The following PLGLB2 variants were observed in gnomAD, a reference collection of about 807,000 sequenced individuals.
PLGLB2 encodes plasminogen-like protein B.
rs1299878106 is a variant in PLGLB2 at position 87,759,393 on chromosome 2, C to T, written c.*2575C>T. 1.6e-4 allele frequency among the ~76,000 whole-genome samples: 1 copy of T among 6,206 alleles called. No individual in the cohort carries two copies. The highest frequency in any genetic ancestry group is 3.9e-4 in the African/African-American group (1 of 2,586). 4.1% of individuals were successfully genotyped at this position (6,206 alleles called of 152,430 possible). On this transcript the variant is annotated 3_prime_UTR_variant, in exon 4 of 4. Coordinates refer to ENST00000359481, the MANE Select transcript of PLGLB2 (RefSeq NM_002665.4). Reference sequence around the variant, plus strand: ...ACATCTAAACTCTAAGTACAGACTTCTTATGCTTAAAACTCTTACACAGTG... The same window carrying T: ...ACATCTAAACTCTAAGTACAGACTTTTTATGCTTAAAACTCTTACACAGTG...
At chr2:87,749,021 C>CTT (rs1684601229) in intron 1 of PLGLB2, among the ~76,000 whole-genome samples, 1 of 133,946 alleles carries the variant, frequency 7.5e-6, no homozygotes, top group Non-Finnish European at 1.6e-5. Context: ...TGGATTTAAG[C>CTT]CAGGTTTCCC....
At chr2:87,750,907 C>G (rs1470957365) in intron 1 of PLGLB2, among the ~76,000 whole-genome samples, 40 of 126,136 alleles carry the variant, frequency 3.2e-4, no homozygotes, top group South Asian at 1.5e-3. Flanking sequence ...ATAACCCACT[C>G]CCTCTGCCTG....
In PLGLB2 at chr2:87,756,866, G is replaced by C; in HGVS notation, c.*48G>C. The stretch of plus-strand genomic sequence containing the variant: ...CTGGGAATGGAAAGAACTACAGAGG[G>C]ACGATGTCCAAAACAAAAAATGGCA... On this transcript the variant is annotated 3_prime_UTR_variant, in exon 4 of 4. Coordinates refer to ENST00000359481, the MANE Select transcript of PLGLB2 (RefSeq NM_002665.4). 1.3e-6 allele frequency: 1 copy of C among 776,626 alleles called. No homozygotes were observed. Among genetic ancestry groups the C allele is most frequent in the South Asian group, 1.4e-5 (1 of 73,080 alleles). The allele number at this position is 776,626 out of a possible 1,614,324, so 48.1% of individuals were successfully genotyped here. A position where few individuals can be genotyped will look rare whatever the true frequency, so the allele number is the denominator to read the frequency against.
intron 1 of PLGLB2, among the ~76,000 whole-genome samples, chr2:87,750,727 C>G (rs1169430402): frequency 1.3e-5 from 2 of 151,042 alleles, no homozygotes; most frequent in African/African-American, 4.9e-5. Context: ...GAATGAGAAT[C>G]TGTTCATTTG....
chr2:87,750,430 G>A (rs1480388242), intron 1 of PLGLB2, among the ~76,000 whole-genome samples: 142 of 151,262 alleles, frequency 9.4e-4, no homozygotes, highest in African/African-American at 3.3e-3. Flanking sequence ...CAAGTTGGCA[G>A]AAAGTGCGGG....
rs1438440809 is a variant in PLGLB2, at chr2:87,758,470, TCTC to T, written c.*1655_*1657del. Among the ~76,000 whole-genome samples the T allele has an allele frequency of 2.9e-5, 3 of 101,734 alleles. No individual in the cohort carries two copies. Among genetic ancestry groups the T allele is most frequent in the Admixed American group, 1.2e-4 (1 of 8,364 alleles). 66.7% of individuals were successfully genotyped at this position (101,734 alleles called of 152,430 possible). On this transcript the variant is annotated 3_prime_UTR_variant, in exon 4 of 4. Transcript: ENST00000359481. ...GGCAGGCTTTTGAGGCCTTTATATTTCTCCTGACTGTGCAATAAAAATATTTTG... is the reference window on the plus strand; with the variant it reads ...GGCAGGCTTTTGAGGCCTTTATATTTCTGACTGTGCAATAAAAATATTTTG...
At chr2:87,749,130 T>TA (rs967542734) in intron 1 of PLGLB2, among the ~76,000 whole-genome samples, 26 of 150,396 alleles carry the variant, frequency 1.7e-4, no homozygotes, top group East Asian at 7.9e-4. Flanking sequence ...TTTCTTTTTT[T>TA]AAAAAAAAGC....
Sources: allele counts gnomAD v4.1 joint callset (sites outside exome capture counted in the v4.1 genomes callset), GRCh38; gene constraint gnomAD v4.1.1; transcripts MANE v1.5; gene names NCBI Gene and HGNC (gene_info 2026-07-23, HGNC 2026-07-21).